Variants in ADGRV1 observed in about 807,000 individuals in gnomAD.
ADGRV1 encodes G-protein coupled receptor 98.
A neutral mutation model predicts 596.2 loss-of-function variants in ADGRV1; 359 were observed. The observed-to-expected ratio is 0.60, with a 90% CI of 0.55 to 0.66. The LOEUF (loss-of-function observed/expected upper bound fraction) is 0.66, where lower values mean the gene tolerates loss of function less well. Among genes scored for constraint, ADGRV1 ranks in the 30% least tolerant of loss-of-function variants. The pLI, the probability that ADGRV1 is intolerant of heterozygous loss-of-function variation, is 0.00. For synonymous variants in ADGRV1, 2,681 were observed against 2,679.2 expected, an observed-to-expected ratio of 1.00 and a Z score of -0.02; for missense variants, 7,274 against 7,575.6, an observed-to-expected ratio of 0.96 and a Z score of 1.48.
intron 85 of ADGRV1, among the ~76,000 whole-genome samples, chr5:90,988,748 G>A (rs1171844431): frequency 2.6e-5 from 4 of 151,370 alleles, no homozygotes; most frequent in South Asian, 2.1e-4. Context: ...CCATTAACTC[G>A]TCATTTAAAT....
At chr5:90,699,619 A>G (rs2149669528) in intron 34 of ADGRV1, among the ~76,000 whole-genome samples, 1 of 152,234 alleles carries the variant, frequency 6.6e-6, no homozygotes, top group South Asian at 2.1e-4. Context: ...ATGAATTTTA[A>G]CTGTAGGGCC....
intron 83 of ADGRV1, among the ~76,000 whole-genome samples, chr5:90,904,727 C>T (rs1318966389): frequency 1.3e-5 from 2 of 151,878 alleles, no homozygotes; most frequent in Non-Finnish European, 2.9e-5. Flanking sequence ...TGTGCAGAAG[C>T]TTTTTAATTT....
At chr5:90,873,431 G>A (rs958682400) in intron 83 of ADGRV1, among the ~76,000 whole-genome samples, 4 of 152,114 alleles carry the variant, frequency 2.6e-5, no homozygotes, top group Non-Finnish European at 5.9e-5. Context: ...GATGGCATGT[G>A]CAAGTGATTT....
intron 7 of ADGRV1, among the ~76,000 whole-genome samples, chr5:90,628,220 C>CAAAATAAAATAAAAT (rs70999498): frequency 0.42 from 54,063 of 129,218 alleles, 12,782 homozygotes; most frequent in Admixed American, 0.55. Flanking sequence ...ACCCCGCCCA[C>CAAAATAAAATAAAAT]AAAATAAAAT....
intron 82 of ADGRV1, among the ~76,000 whole-genome samples, chr5:90,856,307 A>G (rs1767019523): frequency 1.3e-5 from 2 of 152,168 alleles, no homozygotes; most frequent in African/African-American, 4.8e-5. Context: ...TTGTGCTTTT[A>G]TTGTTTTTAA....
chr5:90,853,903 C>T (rs1480364598), intron 80 of ADGRV1, among the ~76,000 whole-genome samples, 159 bp from the exon 81 acceptor site: 4 of 152,038 alleles, frequency 2.6e-5, no homozygotes, highest in Non-Finnish European at 5.9e-5. Flanking sequence ...AATGGAAAAC[C>T]AATCAGATGT....
At chr5:90,747,800 A>G (rs1000305410) in intron 52 of ADGRV1, among the ~76,000 whole-genome samples, 12 of 152,220 alleles carry the variant, frequency 7.9e-5, no homozygotes, top group African/African-American at 2.4e-4. Context: ...CTGAAATTCC[A>G]GTTCCCAGAC....
chr5:90,668,386 G>A (rs543821962), intron 21 of ADGRV1, among the ~76,000 whole-genome samples: 2 of 152,054 alleles, frequency 1.3e-5, no homozygotes, highest in Admixed American at 6.5e-5. Flanking sequence ...GGTGCCGTCC[G>A]TCACCCCTTT....
chr5:90,581,489 G>T (rs1312415834), intron 1 of ADGRV1, among the ~76,000 whole-genome samples: 2 of 152,152 alleles, frequency 1.3e-5, no homozygotes, highest in Non-Finnish European at 1.5e-5. Flanking sequence ...TTCTGTTTGT[G>T]AGTTTTCCTT....
chr5:90,883,892 G>A (rs919064350), intron 83 of ADGRV1, among the ~76,000 whole-genome samples: 2 of 152,184 alleles, frequency 1.3e-5, no homozygotes, highest in Non-Finnish European at 2.9e-5. Context: ...GAAGGTTGTA[G>A]TTTGACAGTC....
chr5:90,854,140 G>A lies in ADGRV1; in HGVS notation c.17533G>A (p.Ala5845Thr), dbSNP rs1390915553. 6.4e-7 allele frequency: 1 copy of A among 1,567,874 alleles called. No individual in the cohort carries two copies. The highest frequency in any genetic ancestry group is 8.7e-7 in the Non-Finnish European group (1 of 1,154,178). The change falls in exon 81 of 90, where the codon GCT (alanine) becomes ACT (threonine). Residue 5845 changes from alanine (A) to threonine (T), a missense_variant. Around this residue, in one of 5 missense-constraint regions of ADGRV1, gnomAD observed 1,874 missense variants for 1,970.2 expected, o/e 0.95. Transcript: ENST00000405460. Reference sequence around the variant, plus strand: ...TGAGGTTCTCTACAGGATTTATGCTGCTGAGCCTAGAATTATTCCTCAGAC... The same window carrying A: ...TGAGGTTCTCTACAGGATTTATGCTACTGAGCCTAGAATTATTCCTCAGAC... ...DNEVLYRIYAAEPRIIPQTSL... is the reference protein window; with the variant it reads ...DNEVLYRIYATEPRIIPQTSL...
intron 85 of ADGRV1, among the ~76,000 whole-genome samples, chr5:91,040,878 G>A (rs1785284271): frequency 6.6e-6 from 1 of 152,140 alleles, no homozygotes; most frequent in African/African-American, 2.4e-5. Context: ...ATTGCATCCA[G>A]GTCATCATGG....
intron 67 of ADGRV1, among the ~76,000 whole-genome samples, chr5:90,785,416 A>C (rs1759325706): frequency 6.6e-6 from 1 of 152,198 alleles, no homozygotes; most frequent in Non-Finnish European, 1.5e-5. Context: ...GGATCTAATT[A>C]AACTAAAGAG....
chr5:91,065,731 C>T (rs1484065758), intron 85 of ADGRV1, among the ~76,000 whole-genome samples: 1 of 152,030 alleles, frequency 6.6e-6, no homozygotes, highest in Non-Finnish European at 1.5e-5. Flanking sequence ...TAAAGCATTA[C>T]CGAGGAGAGA....
chr5:90,569,404 T>A (rs1468863661), intron 1 of ADGRV1, among the ~76,000 whole-genome samples: 5 of 126,722 alleles, frequency 3.9e-5, no homozygotes, highest in South Asian at 2.6e-4. Flanking sequence ...TTTTTTTTTT[T>A]TTTTTTTTTT....
intron 84 of ADGRV1, among the ~76,000 whole-genome samples, chr5:90,976,298 A>ATGTGTGTGTG (rs752233519): frequency 4.2e-5 from 5 of 118,980 alleles, no homozygotes; most frequent in African/African-American, 1.7e-4. Context: ...GTGTGTGTAT[A>ATGTGTGTGTG]TGTGTGTGTG....
At chr5:91,102,195 A>T (rs1370624328) in intron 86 of ADGRV1, 24 bp from the exon 87 acceptor site, 2 of 1,591,370 alleles carry the variant, frequency 1.3e-6, no homozygotes, top group Non-Finnish European at 8.6e-7. Context: ...TGAAGCTCAA[A>T]AATTCTTTTT....
intron 85 of ADGRV1, among the ~76,000 whole-genome samples, chr5:91,045,222 A>G (rs934220910): frequency 6.6e-6 from 1 of 152,312 alleles, no homozygotes; most frequent in Non-Finnish European, 1.5e-5. Flanking sequence ...AAGACCAGGA[A>G]AGGACATAAC....
chr5:90,898,433 A>C (rs1274626172), intron 83 of ADGRV1, among the ~76,000 whole-genome samples: 1 of 152,120 alleles, frequency 6.6e-6, no homozygotes, highest in East Asian at 1.9e-4. Flanking sequence ...TTTTAAATAG[A>C]TAGTAGAGAT....
Sources: gnomAD v4.1 joint callset for allele counts (sites outside exome capture counted in the v4.1 genomes callset) on GRCh38, gnomAD v4.1.1 for gene constraint, gnomAD v4.1.1 regional missense constraint, MANE v1.5 for transcripts, NCBI Gene and HGNC (gene_info 2026-07-23, HGNC 2026-07-21) for gene names.